LDLRAD4: variants seen among roughly 807,000 people sequenced by gnomAD.
LDLRAD4 encodes low density lipoprotein receptor class A domain containing 4, also known as low-density lipoprotein receptor class A domain-containing protein 4.
LDLRAD4 carries 5 observed loss-of-function variants against 17.0 expected under a neutral mutation model. The observed-to-expected ratio is 0.29, with a 90% CI of 0.15 to 0.62. The LOEUF (loss-of-function observed/expected upper bound fraction) is 0.62, where lower values mean the gene tolerates loss of function less well. LDLRAD4 is among the 20% of genes least tolerant of loss of function. The probability of loss-of-function intolerance (pLI) is 0.84; values close to 1 mark genes in which losing one functional copy is unlikely to be tolerated. For synonymous variants in LDLRAD4, 168 were observed against 171.8 expected, an observed-to-expected ratio of 0.98 and a Z score of 0.17; for missense variants, 340 against 424.7, an observed-to-expected ratio of 0.80 and a Z score of 1.75.
intron 3 of LDLRAD4, among the ~76,000 whole-genome samples, chr18:13,599,578 C>T (rs2095136394): frequency 6.6e-6 from 1 of 151,306 alleles, no homozygotes; most frequent in Non-Finnish European, 1.5e-5. Context: ...GCAAGCTCCA[C>T]CTCCTGGGTT....
At chr18:13,239,845 G>A (rs948520030) in intron 1 of LDLRAD4, 1 of 152,280 alleles carries the variant, frequency 6.6e-6, no homozygotes, top group African/African-American at 2.4e-5. Flanking sequence ...TACCAGCCAT[G>A]AGATGCCATG....
intron 3 of LDLRAD4, among the ~76,000 whole-genome samples, chr18:13,495,629 A>G (rs7244264): frequency 0.14 from 21,027 of 152,228 alleles, 1,581 homozygotes; most frequent in South Asian, 0.21. Context: ...AGCTGCCTTG[A>G]AGAATTGGGT....
At chr18:13,262,466 G>C (rs1472716577) in intron 1 of LDLRAD4, among the ~76,000 whole-genome samples, 43 of 135,296 alleles carry the variant, frequency 3.2e-4, no homozygotes, top group African/African-American at 1.2e-3. Context: ...GGCTCTGTGC[G>C]TGGGGGCTGA....
chr18:13,607,085 T>TGCAACAACAG (rs1439911593), intron 3 of LDLRAD4, among the ~76,000 whole-genome samples: 2 of 152,192 alleles, frequency 1.3e-5, no homozygotes, highest in Non-Finnish European at 2.9e-5. Context: ...GGTTGCTACA[T>TGCAACAACAG]TTGTTGACTG....
intron 3 of LDLRAD4, among the ~76,000 whole-genome samples, chr18:13,518,751 C>T (rs909507031): frequency 5.3e-5 from 8 of 152,192 alleles, no homozygotes; most frequent in Admixed American, 4.6e-4. Context: ...TTTTCTATTA[C>T]TGGCTTCGGT....
chr18:13,378,849 A>G (rs1170178416), intron 1 of LDLRAD4, among the ~76,000 whole-genome samples: 1 of 152,242 alleles, frequency 6.6e-6, no homozygotes, highest in Non-Finnish European at 1.5e-5. Flanking sequence ...AAAAATCAAG[A>G]CAAATTAGCA....
chr18:13,544,885 CT>C (rs58284452), intron 3 of LDLRAD4, among the ~76,000 whole-genome samples: 63,786 of 122,518 alleles, frequency 0.52, 17,036 homozygotes, highest in Non-Finnish European at 0.59. Flanking sequence ...GATGGTTTGT[CT>C]TTTTTTTTTT....
intron 1 of LDLRAD4, among the ~76,000 whole-genome samples, chr18:13,268,723 A>G (rs1204380197): frequency 6.6e-6 from 1 of 152,200 alleles, no homozygotes; most frequent in East Asian, 1.9e-4. Context: ...GCTTGGAAAG[A>G]TTTTCATGAG....
chr18:13,234,481 ACTGTGAGCAGGCAC>A (rs940629476), intron 1 of LDLRAD4, among the ~76,000 whole-genome samples: 3 of 149,076 alleles, frequency 2.0e-5, no homozygotes, highest in South Asian at 4.2e-4. Flanking sequence ...AAACAGATGG[ACTGTGAGCAGGCAC>A]CTGTGAGCAG....
At chr18:13,559,261 T>A (rs1163985634) in intron 3 of LDLRAD4, among the ~76,000 whole-genome samples, 2 of 152,214 alleles carry the variant, frequency 1.3e-5, no homozygotes, top group African/African-American at 2.4e-5. Flanking sequence ...GCTGCTTCCT[T>A]GTGGGGTTTC....
intron 2 of LDLRAD4, among the ~76,000 whole-genome samples, chr18:13,397,683 A>G (rs1167625845): frequency 1.3e-5 from 2 of 152,100 alleles, no homozygotes; most frequent in Non-Finnish European, 1.5e-5. Flanking sequence ...TGTCCTTGGC[A>G]CTCACTGAAA....
At chr18:13,231,376 C>T (rs1175547650) in intron 1 of LDLRAD4, among the ~76,000 whole-genome samples, 6 of 152,164 alleles carry the variant, frequency 3.9e-5, no homozygotes, top group Non-Finnish European at 5.9e-5. Context: ...GTGAGCATGT[C>T]GGGTGGCCCT....
intron 3 of LDLRAD4, among the ~76,000 whole-genome samples, chr18:13,491,075 T>C (rs3809902): frequency 0.099 from 15,114 of 152,242 alleles, 810 homozygotes; most frequent in East Asian, 0.14. Context: ...GGGGCTGCTC[T>C]CTACCATCTA....
intron 3 of LDLRAD4, among the ~76,000 whole-genome samples, chr18:13,513,847 G>A (rs1016511347): frequency 6.6e-6 from 1 of 152,212 alleles, no homozygotes; most frequent in African/African-American, 2.4e-5. Context: ...TAGAGATCTT[G>A]TTGATGAAGA....
intron 3 of LDLRAD4, among the ~76,000 whole-genome samples, chr18:13,482,517 C>G (rs1251409904): frequency 6.6e-6 from 1 of 152,228 alleles, no homozygotes; most frequent in Non-Finnish European, 1.5e-5. Flanking sequence ...TCAGTTCCCC[C>G]CATCACCACT....
intron 3 of LDLRAD4, among the ~76,000 whole-genome samples, chr18:13,539,016 T>A (rs1031837234): frequency 1.1e-4 from 16 of 152,238 alleles, no homozygotes; most frequent in African/African-American, 3.9e-4. Flanking sequence ...AAATTCAGTT[T>A]CCTTTGGTGT....
intron 2 of LDLRAD4, among the ~76,000 whole-genome samples, chr18:13,421,858 G>A (rs1394744120): frequency 6.6e-6 from 1 of 152,240 alleles, no homozygotes; most frequent in Non-Finnish European, 1.5e-5. Context: ...TGGGGGACGG[G>A]CCTGGGGCTG....
intron 3 of LDLRAD4, among the ~76,000 whole-genome samples, chr18:13,468,166 T>C (rs2092676695): frequency 6.6e-6 from 1 of 152,164 alleles, no homozygotes; most frequent in Non-Finnish European, 1.5e-5. Flanking sequence ...GAAAGACTTG[T>C]GTGCATCCAA....
intron 1 of LDLRAD4, among the ~76,000 whole-genome samples, chr18:13,350,937 C>T (rs757353825): frequency 2.0e-5 from 3 of 151,968 alleles, no homozygotes; most frequent in Non-Finnish European, 2.9e-5. Context: ...AGCAGATAGT[C>T]GTAGATGTGT....
Sources: allele counts gnomAD v4.1 joint callset (sites outside exome capture counted in the v4.1 genomes callset), GRCh38; gene constraint gnomAD v4.1.1; transcripts MANE v1.5; gene names NCBI Gene and HGNC (gene_info 2026-07-23, HGNC 2026-07-21).